Variants in DNAJC13 observed in about 807,000 individuals in gnomAD.
The protein encoded by DNAJC13 is DnaJ heat shock protein family (Hsp40) member C13.
DNAJC13 carries 75 observed loss-of-function variants against 290.5 expected under a neutral mutation model. That is an observed-to-expected ratio of 0.26 (90% CI 0.21 to 0.31). DNAJC13 has a LOEUF of 0.31. DNAJC13 is among the 10% of genes least tolerant of loss of function. The pLI is 1.00. For missense variants in DNAJC13, 2,260 were observed against 2,674.5 expected (o/e 0.85, Z 3.42); for synonymous variants, 862 against 892.0 (o/e 0.97, Z 0.60).
rs1935351652 is a variant in DNAJC13 at position 132,499,735 on chromosome 3, T to C, written c.4343T>C (p.Val1448Ala). Residue 1448 changes from valine (V) to alanine (A), a missense_variant and splice_region_variant, in exon 38 of 56, where the codon GTG becomes GCG. Coordinates refer to ENST00000260818, the MANE Select transcript of DNAJC13 (RefSeq NM_015268.4). ...AATAGCTGACTTCTTCCTCTGCAGG[T>C]GTTACAAGAGGCATTTAGTCGCTGT... ...EELRRENGLE[V>A]LQEAFSRCVA... 2 of 1,614,018 alleles carry C rather than the reference T, an allele frequency of 1.2e-6. No individual in the cohort carries two copies. The highest frequency in any genetic ancestry group is 4.5e-5 in the East Asian group (2 of 44,870).
rs375785875 is a variant in DNAJC13 at position 132,501,622 on chromosome 3, G to T, written c.4537-667G>T. 9.9e-5 allele frequency among the ~76,000 whole-genome samples: 15 copies of T among 151,880 alleles called. 1 individual carries two copies. Among genetic ancestry groups the T allele is most frequent in the African/African-American group, 2.7e-4 (11 of 41,384 alleles). ...CCATGTAAAACCTGAAAACTAGAGAGTTCGGCACTGCTTGGTGGGAAAGGC... is the reference window on the plus strand; with the variant it reads ...CCATGTAAAACCTGAAAACTAGAGATTTCGGCACTGCTTGGTGGGAAAGGC... On this transcript the variant is annotated intron_variant, in intron 39 of 55. Transcript: ENST00000260818.
intron 20 of DNAJC13, among the ~76,000 whole-genome samples, chr3:132,471,589 A>G (rs1255186638): frequency 4.0e-5 from 5 of 125,662 alleles, no homozygotes; most frequent in South Asian, 2.7e-4. Flanking sequence ...GGGCAGAGGC[A>G]CTCCTCACAT....
Position 132,492,830 on chromosome 3 carries a change from A to T in DNAJC13, c.3825+215A>T, listed in dbSNP as rs1935107782. ...TTTAAGGGAGTATTAAGAGTATTGC[A>T]ATCTTGATCTTTTGTGGCAAAGACA... On this transcript the variant is annotated intron_variant, in intron 33 of 55. Transcript: ENST00000260818. Among the ~76,000 whole-genome samples, 2 of 152,168 alleles carry T rather than the reference A, an allele frequency of 1.3e-5. 1 individual carries two copies. The highest frequency in any genetic ancestry group is 4.1e-4 in the South Asian group (2 of 4,826).
At chr3:132,536,105 C>T (rs1936582022) in intron 55 of DNAJC13, among the ~76,000 whole-genome samples, 1 of 152,174 alleles carries the variant, frequency 6.6e-6, no homozygotes, top group Admixed American at 6.5e-5. Context: ...CATCCGTCCC[C>T]AAGCCAAAAG....
intron 24 of DNAJC13, among the ~76,000 whole-genome samples, chr3:132,478,711 A>T (rs1934555351): frequency 6.6e-6 from 1 of 152,182 alleles, no homozygotes; most frequent in Non-Finnish European, 1.5e-5. Flanking sequence ...GTGAGCTGTG[A>T]TCACACTCCA....
rs748015272 is a variant in DNAJC13 at position 132,490,985 on chromosome 3, A to T, written c.3557A>T (p.Glu1186Val). The change falls in exon 32 of 56, where the codon GAA (glutamate) becomes GTA (valine). Residue 1186 changes from glutamate to valine, a missense_variant. Coordinates refer to ENST00000260818, the MANE Select transcript of DNAJC13 (RefSeq NM_015268.4). The stretch of plus-strand genomic sequence containing the variant: ...TGTTACTTAGAAAATTATGAACCTG[A>T]AAAGTTTTCTGAGATTTTTCTAGGA... ...MVCYLENYEPEKFSEIFLGEF... is the reference protein window; with the variant it reads ...MVCYLENYEPVKFSEIFLGEF... 1 of 1,613,024 alleles carries T rather than the reference A, an allele frequency of 6.2e-7. No homozygotes were observed. Among genetic ancestry groups the T allele is most frequent in the Non-Finnish European group, 8.5e-7 (1 of 1,179,502 alleles).
chr3:132,462,396 G>C, intron 15 of DNAJC13, 71 bp from the exon 16 acceptor site: 1 of 1,433,112 alleles, frequency 7.0e-7, no homozygotes, highest in Non-Finnish European at 9.7e-7. Context: ...CCCTTCTTAA[G>C]AGTAACAGCT....
At position 132,538,355 on chromosome 3, in the gene DNAJC13, C is replaced by CAA. The variant is rs145664063; in HGVS notation, c.*75_*76dup. The stretch of plus-strand genomic sequence containing the variant: ...CATTCCTCCAGCTGATACGTTGAAG[C>CAA]AAACTCTTACTGCCTTTCTCCTGGT... On this transcript the variant is annotated 3_prime_UTR_variant, in exon 56 of 56. Coordinates refer to ENST00000260818, the MANE Select transcript of DNAJC13 (RefSeq NM_015268.4). The CAA allele has an allele frequency of 1.3e-3, 1,426 of 1,107,204 alleles. 7 individuals carry two copies. The African/African-American group carries it at 0.02, about 15-fold the overall frequency. The allele number at this position is 1,107,204 out of a possible 1,614,324, so 68.6% of individuals were successfully genotyped here. A position where few individuals can be genotyped will look rare whatever the true frequency, so the allele number is the denominator to read the frequency against.
chr3:132,468,883 T>A (rs534333312), intron 20 of DNAJC13, among the ~76,000 whole-genome samples: 13 of 152,294 alleles, frequency 8.5e-5, no homozygotes, highest in African/African-American at 2.9e-4. Context: ...AATATAATTA[T>A]CATACTGTAG....
intron 42 of DNAJC13, 27 bp from the exon 43 acceptor site, chr3:132,507,208 AAC>A (rs1263701653): frequency 7.4e-7 from 1 of 1,346,422 alleles, no homozygotes; most frequent in Non-Finnish European, 1.1e-6. Context: ...ATTTACATCT[AAC>A]AGTCTATTTT....
At chr3:132,425,236 AT>A (rs2107640673) in intron 1 of DNAJC13, among the ~76,000 whole-genome samples, 1 of 152,228 alleles carries the variant, frequency 6.6e-6, no homozygotes, top group Non-Finnish European at 1.5e-5. Context: ...TTTTGGTAAG[AT>A]ATAGCTGTAG....
At position 132,434,570 on chromosome 3, in the gene DNAJC13, A is replaced by G. The variant is rs753166828; in HGVS notation, c.20A>G (p.Asn7Ser). The G allele has an allele frequency of 1.3e-5, 21 of 1,612,628 alleles. No individual in the cohort carries two copies. The highest frequency in any genetic ancestry group is 1.8e-5 in the Non-Finnish European group (21 of 1,179,386). ...CACAAAATGAACATAATTAGGGAAA[A>G]TAAGGATCTGGCATGTTTCTACACA... MNIIRENKDLACFYTTK... is the reference protein window; with the variant it reads MNIIRESKDLACFYTTK... The change falls in exon 2 of 56, where the codon AAT becomes AGT. Residue 7 changes from asparagine to serine, a missense_variant. Transcript: ENST00000260818.
intron 25 of DNAJC13, 99 bp downstream of exon 25, chr3:132,479,388 CT>C (rs1468220499): frequency 9.9e-6 from 8 of 808,200 alleles, no homozygotes; most frequent in African/African-American, 1.7e-5. Flanking sequence ...GTGTTCTTTT[CT>C]GTCTTCTCCT....
intron 30 of DNAJC13, 105 bp from the exon 31 acceptor site, chr3:132,488,871 T>C: frequency 1.3e-6 from 1 of 782,030 alleles, no homozygotes; most frequent in South Asian, 1.7e-5. Flanking sequence ...TGAGTTGCCA[T>C]TTGTGAGTTT....
intron 14 of DNAJC13, 138 bp downstream of exon 14, chr3:132,460,495 G>C (rs1184538953): frequency 3.6e-6 from 2 of 557,674 alleles, no homozygotes; most frequent in East Asian, 2.9e-5. Flanking sequence ...AGTTCAGCTT[G>C]GTCACTGATA....
At chr3:132,522,469 T>C (rs779360950) in intron 48 of DNAJC13, among the ~76,000 whole-genome samples, 5 of 152,178 alleles carry the variant, frequency 3.3e-5, no homozygotes, top group African/African-American at 4.8e-5. Context: ...GGGACAAGCC[T>C]GGCTAAGGGC....
chr3:132,433,778 A>G (rs1032277091), intron 1 of DNAJC13, among the ~76,000 whole-genome samples: 2 of 152,232 alleles, frequency 1.3e-5, no homozygotes, highest in African/African-American at 4.8e-5. Context: ...CATTTTAAAA[A>G]TTCTGTACAC....
chr3:132,494,050 A>G, intron 33 of DNAJC13, 94 bp from the exon 34 acceptor site: 1 of 857,298 alleles, frequency 1.2e-6, no homozygotes. Context: ...AAAAGTATCC[A>G]TTTAAATAAA....
chr3:132,493,708 C>T (rs1935137962), intron 33 of DNAJC13, among the ~76,000 whole-genome samples: 1 of 151,998 alleles, frequency 6.6e-6, no homozygotes. Context: ...GTTAGATCAC[C>T]TTGAGAAGCA....
Sources: gnomAD v4.1 joint callset for allele counts (sites outside exome capture counted in the v4.1 genomes callset) on GRCh38, gnomAD v4.1.1 for gene constraint, MANE v1.5 for transcripts, NCBI Gene and HGNC (gene_info 2026-07-23, HGNC 2026-07-21) for gene names.